The following FECH variants were observed in gnomAD, a reference collection of about 807,000 sequenced individuals.
The protein encoded by FECH is ferrochelatase, mitochondrial.
Under a neutral mutation model 56.9 loss-of-function variants are expected in FECH, and 40 were observed. The observed-to-expected ratio is 0.70, with a 90% CI of 0.55 to 0.92. The LOEUF (loss-of-function observed/expected upper bound fraction) is 0.92. Ranked by LOEUF, FECH falls within the 40% of genes least tolerant of loss-of-function variation. The pLI, the probability that FECH is intolerant of heterozygous loss-of-function variation, is 0.00. For missense variants in FECH, 431 were observed against 529.1 expected (o/e 0.81, Z 1.82); for synonymous variants, 175 against 198.6 (o/e 0.88, Z 1.00).
rs1161228828 is a variant in FECH, at chr18:57,551,050, G to A, written c.1138-204C>T. On this transcript the variant is annotated intron_variant, in intron 10 of 10. Transcript: ENST00000262093. ...GAAAGTTAAAACAGAGATTTCAGGA[G>A]ATGAAAACCTCTTACCCTACCCACT... 7.4e-6 allele frequency: 5 copies of A among 678,534 alleles called. No homozygotes were observed. In the South Asian group the frequency reaches 9.2e-5, roughly 12 times the overall value. 42.0% of individuals were successfully genotyped at this position (678,534 alleles called of 1,614,324 possible).
At chr18:57,570,046 TG>T (rs1223308334) in intron 4 of FECH, among the ~76,000 whole-genome samples, 2 of 107,432 alleles carry the variant, frequency 1.9e-5, no homozygotes, top group African/African-American at 3.1e-5. Flanking sequence ...TGTGTGTGTG[TG>T]TGTGTGTGTG....
chr18:57,572,513 T>TAAAAAAAA (rs57279341), intron 3 of FECH, among the ~76,000 whole-genome samples: 2 of 55,992 alleles, frequency 3.6e-5, no homozygotes, highest in African/African-American at 1.4e-4. Context: ...TATACGTATG[T>TAAAAAAAA]AAAAAAAAAA....
intron 1 of FECH, among the ~76,000 whole-genome samples, chr18:57,582,560 TG>T (rs2051297847): frequency 6.6e-6 from 1 of 150,510 alleles, no homozygotes; most frequent in African/African-American, 2.4e-5. Context: ...CCCAGACATT[TG>T]GGGGCAGCCT....
At chr18:57,554,721 T>G (rs1344030023) in intron 8 of FECH, 124 bp downstream of exon 8, 1 of 814,110 alleles carries the variant, frequency 1.2e-6, no homozygotes. Context: ...TTTCTGCCCA[T>G]GGTGAGCAAT....
At chr18:57,582,033 C>G (rs1376811817) in intron 1 of FECH, among the ~76,000 whole-genome samples, 6 of 128,736 alleles carry the variant, frequency 4.7e-5, no homozygotes, top group Admixed American at 3.4e-4. Context: ...AATTCCAAGG[C>G]TCAAACCAAC....
At chr18:57,559,309 T>A in intron 6 of FECH, 66 bp from the exon 7 acceptor site, 1 of 1,195,934 alleles carries the variant, frequency 8.4e-7, no homozygotes, top group Non-Finnish European at 1.2e-6. Flanking sequence ...AAAAAGAAAA[T>A]AATTTTAAAA....
At chr18:57,554,487 G>T in intron 8 of FECH, 63 bp from the exon 9 acceptor site, 1 of 1,463,066 alleles carries the variant, frequency 6.8e-7, no homozygotes. Flanking sequence ...TAGTACCCCT[G>T]TTTGCCCCCC....
At chr18:57,575,724 T>C (rs923224904) in intron 2 of FECH, among the ~76,000 whole-genome samples, 3 of 152,248 alleles carry the variant, frequency 2.0e-5, no homozygotes, top group Middle Eastern at 3.2e-3. Context: ...GCCCCAGGCT[T>C]ATGGTGACAT....
chr18:57,585,207 C>T (rs1457565563), intron 1 of FECH, among the ~76,000 whole-genome samples: 2 of 152,018 alleles, frequency 1.3e-5, no homozygotes, highest in Non-Finnish European at 2.9e-5. Context: ...AACTCATTTT[C>T]GGAAATAATC....
chr18:57,573,305 A>T lies in FECH; in HGVS notation c.255T>A (p.Val85=). The change falls in exon 3 of 11, where the codon GTT becomes GTA. Residue 85 remains valine, a synonymous_variant. Coordinates refer to ENST00000262093, the MANE Select transcript of FECH (RefSeq NM_000140.5). ...NMGGPETLGD[V]HDFLLRLFLD... is the part of the protein sequence containing the mutation. ...AGAAGAGTCTCAGAAGGAAGTCGTG[A>T]ACATCTCCAAGAGTTTCAGGGCCTC... is the stretch of plus-strand genomic sequence containing the variant. 1 of 1,614,126 alleles carries T rather than the reference A, an allele frequency of 6.2e-7. No homozygotes were observed. The highest frequency in any genetic ancestry group is 8.5e-7 in the Non-Finnish European group (1 of 1,179,940).
intron 9 of FECH, among the ~76,000 whole-genome samples, chr18:57,553,820 A>G (rs1342643417): frequency 6.6e-6 from 1 of 152,246 alleles, no homozygotes; most frequent in Non-Finnish European, 1.5e-5. Context: ...AATGACTCCT[A>G]TATGCCTTGA....
rs750262644 is a variant in FECH at position 57,580,136 on chromosome 18, G to A, written c.131C>T (p.Ala44Val). The A allele has an allele frequency of 2.5e-6, 4 of 1,614,132 alleles. No homozygotes were observed. Among genetic ancestry groups the A allele is most frequent in the South Asian group, 2.2e-5 (2 of 91,072 alleles). Residue 44 changes from alanine to valine, a missense_variant, in exon 2 of 11, where the codon GCC becomes GTC. Coordinates refer to ENST00000262093, the MANE Select transcript of FECH (RefSeq NM_000140.5). ...ATGCTGGGCTGTTTCTGTGGTGACG[G>A]CCGCTGCAGCTGCACCTGACTTCCA... is the stretch of plus-strand genomic sequence containing the variant. ...WRWKSGAAAA[A>V]VTTETAQHAQ... is the part of the protein sequence containing the mutation.
chr18:57,570,029 TG>T (rs1251663894), intron 4 of FECH, among the ~76,000 whole-genome samples: 1 of 98,492 alleles, frequency 1.0e-5, no homozygotes, highest in Non-Finnish European at 2.2e-5. Flanking sequence ...TTGTTGTTGT[TG>T]TCGTGTGTGT....
chr18:57,585,246 C>G (rs573897825), intron 1 of FECH, among the ~76,000 whole-genome samples: 2 of 152,258 alleles, frequency 1.3e-5, no homozygotes, highest in African/African-American at 2.4e-5. Flanking sequence ...AGAAGTTGAT[C>G]TTTTCCTATC....
chr18:57,555,786 A>T (rs995437361), intron 7 of FECH, among the ~76,000 whole-genome samples: 9 of 152,202 alleles, frequency 5.9e-5, no homozygotes, highest in African/African-American at 2.2e-4. Context: ...ATATGGCTGG[A>T]AACAGTGCCT....
chr18:57,571,655 A>C, intron 3 of FECH, 115 bp from the exon 4 acceptor site: 1 of 1,490,016 alleles, frequency 6.7e-7, no homozygotes, highest in Non-Finnish European at 9.2e-7. Flanking sequence ...TAACAAGATT[A>C]AGCCTTTAAA....
At chr18:57,555,147 G>A (rs970374083) in intron 7 of FECH, among the ~76,000 whole-genome samples, 195 bp from the exon 8 acceptor site, 5 of 152,142 alleles carry the variant, frequency 3.3e-5, no homozygotes, top group Admixed American at 1.3e-4. Context: ...GAAAAACACC[G>A]CAGTCAATCA....
Position 57,550,562 on chromosome 18 carries a change from C to T in FECH, c.*150G>A, listed in dbSNP as rs534074259. ...ATAGAAATCCATCAAGAGTCCAATC[C>T]TCAAGAAACCACACAATTTGTACCC... On this transcript the variant is annotated 3_prime_UTR_variant, in exon 11 of 11. Transcript: ENST00000262093. 2 of 917,734 alleles carry T rather than the reference C, an allele frequency of 2.2e-6. No individual in the cohort carries two copies. The highest frequency in any genetic ancestry group is 2.6e-5 in the East Asian group (1 of 38,644). 56.8% of individuals were successfully genotyped at this position (917,734 alleles called of 1,614,324 possible). A position where few individuals can be genotyped will look rare whatever the true frequency, so the allele number is the denominator to read the frequency against.
In FECH at chr18:57,586,455, G is replaced by A. The variant is rs2051375617; in HGVS notation, c.67+99C>T. ...CGCAGCACCCCCAAGGCCGCTCCCC[G>A]AATCCCCCGGGCGCGAGGGCCCGGG... On this transcript the variant is annotated intron_variant, in intron 1 of 10. Coordinates refer to ENST00000262093, the MANE Select transcript of FECH (RefSeq NM_000140.5). The A allele has an allele frequency of 3.0e-6, 4 of 1,325,818 alleles. No homozygotes were observed. The East Asian group carries it at 1.1e-4, about 38-fold the overall frequency. 82.1% of individuals were successfully genotyped at this position (1,325,818 alleles called of 1,614,324 possible). A position where few individuals can be genotyped will look rare whatever the true frequency, so the allele number is the denominator to read the frequency against.
Sources: allele counts gnomAD v4.1 joint callset (sites outside exome capture counted in the v4.1 genomes callset), GRCh38; gene constraint gnomAD v4.1.1; transcripts MANE v1.5; gene names NCBI Gene and HGNC (gene_info 2026-07-23, HGNC 2026-07-21).